Variants in RBMS3 observed in about 807,000 individuals in gnomAD.
The protein encoded by RBMS3 is RNA binding motif single stranded interacting protein 3.
RBMS3 carries 27 observed loss-of-function variants against 66.8 expected under a neutral mutation model. The ratio of observed to expected loss-of-function variants is 0.40; its 90% CI spans 0.30 to 0.56. RBMS3 has a LOEUF of 0.56. Among genes scored for constraint, RBMS3 ranks in the 20% least tolerant of loss-of-function variants. The probability of loss-of-function intolerance (pLI) is 0.40; values close to 1 mark genes in which losing one functional copy is unlikely to be tolerated. For synonymous variants in RBMS3, 188 were observed against 183.0 expected (o/e 1.03, Z -0.22); for missense variants, 513 against 549.5 (o/e 0.93, Z 0.66).
chr3:29,979,910 C>T (rs1697864085), intron 12 of RBMS3, among the ~76,000 whole-genome samples: 1 of 152,192 alleles, frequency 6.6e-6, no homozygotes, highest in Admixed American at 6.5e-5. Flanking sequence ...GTGCATGTGT[C>T]TTTACAGTAG....
At chr3:29,482,641 G>C (rs933465273) in intron 2 of RBMS3, among the ~76,000 whole-genome samples, 2 of 150,250 alleles carry the variant, frequency 1.3e-5, no homozygotes, top group Admixed American at 6.6e-5. Flanking sequence ...GGCTAAATGA[G>C]GAATATCATC....
At chr3:29,863,351 C>T (rs2059265790) in intron 6 of RBMS3, among the ~76,000 whole-genome samples, 2 of 151,808 alleles carry the variant, frequency 1.3e-5, no homozygotes, top group Admixed American at 6.6e-5. Context: ...ACATTGTGCA[C>T]ATGTACCCTA....
intron 6 of RBMS3, among the ~76,000 whole-genome samples, chr3:29,778,719 C>T (rs1159868376): frequency 1.4e-4 from 21 of 151,738 alleles, no homozygotes; most frequent in Admixed American, 1.4e-3. Flanking sequence ...CCTCAATTTC[C>T]CCTTTGGTAA....
At chr3:29,857,248 C>T (rs1489596868) in intron 6 of RBMS3, among the ~76,000 whole-genome samples, 1 of 152,126 alleles carries the variant, frequency 6.6e-6, no homozygotes, top group Non-Finnish European at 1.5e-5. Context: ...GTTTTCTTGA[C>T]CTGAGTTGGA....
chr3:29,788,473 C>T (rs1169248669), intron 6 of RBMS3, among the ~76,000 whole-genome samples: 1 of 152,090 alleles, frequency 6.6e-6, no homozygotes, highest in Non-Finnish European at 1.5e-5. Flanking sequence ...GATCTGCCTG[C>T]CTCAGCCTCC....
intron 1 of RBMS3, among the ~76,000 whole-genome samples, chr3:29,414,283 A>G (rs2040389530): frequency 6.6e-6 from 1 of 152,228 alleles, no homozygotes; most frequent in South Asian, 2.1e-4. Flanking sequence ...TTTATTGGAA[A>G]ATATATCTAT....
intron 3 of RBMS3, among the ~76,000 whole-genome samples, chr3:29,573,937 T>C (rs9880904): frequency 0.063 from 9,569 of 152,290 alleles, 588 homozygotes; most frequent in East Asian, 0.32. Context: ...TTGATATTTT[T>C]TCCATTTTTT....
intron 3 of RBMS3, among the ~76,000 whole-genome samples, chr3:29,551,847 C>T (rs2046190544): frequency 6.6e-6 from 1 of 152,152 alleles, no homozygotes; most frequent in South Asian, 2.1e-4. Context: ...TCACTTTATC[C>T]TGTGAACACA....
At chr3:29,385,576 A>G (rs1265150234) in intron 1 of RBMS3, among the ~76,000 whole-genome samples, 2 of 150,386 alleles carry the variant, frequency 1.3e-5, no homozygotes, top group East Asian at 3.9e-4. Context: ...CTTCTGTGCA[A>G]CCCCCCTCTA....
At chr3:29,572,224 G>C (rs1052372030) in intron 3 of RBMS3, among the ~76,000 whole-genome samples, 1 of 151,146 alleles carries the variant, frequency 6.6e-6, no homozygotes, top group Non-Finnish European at 1.5e-5. Flanking sequence ...CTGCAAACGA[G>C]GATAATTTGA....
chr3:29,458,154 C>A (rs1401745212), intron 2 of RBMS3, among the ~76,000 whole-genome samples: 7 of 152,130 alleles, frequency 4.6e-5, no homozygotes, highest in Admixed American at 4.6e-4. Flanking sequence ...TCCAACCAGA[C>A]TGTAAGTTTC....
At chr3:29,327,192 C>T (rs2035389963) in intron 1 of RBMS3, among the ~76,000 whole-genome samples, 2 of 152,062 alleles carry the variant, frequency 1.3e-5, no homozygotes, top group African/African-American at 4.8e-5. Flanking sequence ...TCATTATTTG[C>T]CATAAGGACA....
At chr3:29,465,078 ATTAAT>A (rs2042492249) in intron 2 of RBMS3, among the ~76,000 whole-genome samples, 1 of 152,228 alleles carries the variant, frequency 6.6e-6, no homozygotes, top group Non-Finnish European at 1.5e-5. Flanking sequence ...CAATAAAGAC[ATTAAT>A]TTATCTAGTG....
intron 6 of RBMS3, among the ~76,000 whole-genome samples, chr3:29,864,118 TGGAAAAG>T (rs2059286274): frequency 6.6e-6 from 1 of 152,198 alleles, no homozygotes; most frequent in South Asian, 2.1e-4. Context: ...ATATGGGATC[TGGAAAAG>T]GGAAACCCCA....
chr3:29,434,594 C>T, intron 1 of RBMS3, 149 bp from the exon 2 acceptor site: 2 of 1,146,430 alleles, frequency 1.7e-6, no homozygotes, highest in Non-Finnish European at 2.4e-6. Flanking sequence ...TTCTTGAATG[C>T]AACAGAGAGT....
intron 1 of RBMS3, among the ~76,000 whole-genome samples, chr3:29,410,405 T>G (rs1390511364): frequency 6.6e-6 from 1 of 152,216 alleles, no homozygotes; most frequent in Non-Finnish European, 1.5e-5. Flanking sequence ...CACTGACAGC[T>G]AGTATGCAAA....
intron 2 of RBMS3, chr3:29,435,157 A>T (rs1188097853): frequency 1.2e-5 from 6 of 491,710 alleles, no homozygotes; most frequent in Non-Finnish European, 1.4e-5. Context: ...GCTGATTCAT[A>T]GATATATGAC....
At chr3:29,660,070 T>A (rs1359214769) in intron 4 of RBMS3, among the ~76,000 whole-genome samples, 1 of 152,214 alleles carries the variant, frequency 6.6e-6, no homozygotes, top group African/African-American at 2.4e-5. Flanking sequence ...TTCCTAAATA[T>A]TTTATTTATT....
chr3:29,919,145 A>T (rs1173273712), intron 10 of RBMS3, among the ~76,000 whole-genome samples: 4 of 152,170 alleles, frequency 2.6e-5, no homozygotes, highest in Non-Finnish European at 5.9e-5. Flanking sequence ...CATTTATGTA[A>T]TGGCATTGAG....
Sources: allele counts gnomAD v4.1 joint callset (sites outside exome capture counted in the v4.1 genomes callset), GRCh38; gene constraint gnomAD v4.1.1; transcripts MANE v1.5; gene names NCBI Gene and HGNC (gene_info 2026-07-23, HGNC 2026-07-21).